Variants in HTR3E observed in about 807,000 individuals in gnomAD.
The protein encoded by HTR3E is 5-hydroxytryptamine (serotonin) receptor 3, family member E.
HTR3E carries 38 observed loss-of-function variants against 38.0 expected under a neutral mutation model. The observed-to-expected ratio is 1.00, with a 90% CI of 0.77 to 1.31. The LOEUF (loss-of-function observed/expected upper bound fraction) is 1.31, where lower values mean the gene tolerates loss of function less well. HTR3E is among the 50% of genes most tolerant of loss of function. The pLI, the probability that HTR3E is intolerant of heterozygous loss-of-function variation, is 0.00. For missense variants in HTR3E, 547 were observed against 585.2 expected (o/e 0.93, Z 0.67); for synonymous variants, 210 against 232.9 (o/e 0.90, Z 0.89).
intron 1 of HTR3E, among the ~76,000 whole-genome samples, chr3:184,099,736 AAAAAG>A (rs1304334135): frequency 2.7e-5 from 4 of 148,262 alleles, no homozygotes; most frequent in African/African-American, 5.1e-5. Flanking sequence ...AAAAAAAAAA[AAAAAG>A]AAAGAAATAT....
chr3:184,105,408 A>C lies in HTR3E; in HGVS notation c.701A>C (p.Tyr234Ser). ...TAKLSRGGNL[Y>S]DQIVFYVAIR... The stretch of plus-strand genomic sequence containing the variant: ...AAGTTGTCCAGGGGAGGCAACCTGT[A>C]TGATCAGATCGTGTTCTATGTGAGC... The change falls in exon 6 of 9, where the codon TAT (tyrosine) becomes TCT (serine). Residue 234 changes from tyrosine (Y) to serine (S), a missense_variant. By Grantham distance (144) the Tyr-to-Ser change is moderately radical. Transcript: ENST00000415389. 1 of 1,612,820 alleles carries C rather than the reference A, an allele frequency of 6.2e-7. No homozygotes were observed.
intron 3 of HTR3E, among the ~76,000 whole-genome samples, chr3:184,103,818 A>T (rs113357500): frequency 1.3e-5 from 2 of 151,796 alleles, no homozygotes; most frequent in African/African-American, 4.8e-5. Context: ...AGAAAGAAAA[A>T]GAAAAGAAAA....
In HTR3E at chr3:184,106,857, C is replaced by A; in HGVS notation, c.*164C>A. On this transcript the variant is annotated 3_prime_UTR_variant, in exon 9 of 9. Coordinates refer to ENST00000415389, the MANE Select transcript of HTR3E (RefSeq NM_001256613.2). This position sits in a 1 kb window ranked among gnomAD's most constrained non-coding sequence, Gnocchi z 4.1. The stretch of plus-strand genomic sequence containing the variant: ...CGGTCCTGCTGATCAATTCCAATCC[C>A]AGACATTTCTCCCTGTTCCTGCATT... 1.4e-6 allele frequency: 1 copy of A among 732,550 alleles called. No individual in the cohort carries two copies. The allele number at this position is 732,550 out of a possible 1,614,324, so 45.4% of individuals were successfully genotyped here. A position where few individuals can be genotyped will look rare whatever the true frequency, so the allele number is the denominator to read the frequency against.
At chr3:184,105,116 T>C (rs1045958651) in intron 5 of HTR3E, 151 bp from the exon 6 acceptor site, 1 of 1,162,962 alleles carries the variant, frequency 8.6e-7, no homozygotes, top group Non-Finnish European at 1.2e-6. Context: ...AAGTCTGTCT[T>C]GTTCCTTACC....
intron 1 of HTR3E, among the ~76,000 whole-genome samples, chr3:184,098,243 G>A (rs921049738): frequency 1.3e-5 from 2 of 152,180 alleles, no homozygotes; most frequent in African/African-American, 2.4e-5. Flanking sequence ...GGTGTCTCAC[G>A]TTGCTAGTTT....
chr3:184,104,616 C>T (rs1405210977), intron 4 of HTR3E, among the ~76,000 whole-genome samples, 171 bp from the exon 5 acceptor site: 2 of 147,990 alleles, frequency 1.4e-5, no homozygotes, highest in Admixed American at 6.9e-5. Context: ...GAGGCTGAGG[C>T]TGAGACAGGA....
chr3:184,099,272 G>A (rs923347134), intron 1 of HTR3E, among the ~76,000 whole-genome samples: 7 of 151,066 alleles, frequency 4.6e-5, no homozygotes, highest in South Asian at 4.2e-4. Flanking sequence ...GGTGGGGAAC[G>A]CCTGTAGTCA....
Position 184,105,261 on chromosome 3 carries a change from T to G in HTR3E, c.560-6T>G, listed in dbSNP as rs760225651. ...GAAAAATGATTCAGATGGTTCTCAT[T>G]TTCAGTGGACAGCATGTTGCTGGAC... is the stretch of plus-strand genomic sequence containing the variant. On this transcript the variant is annotated splice_region_variant and splice_polypyrimidine_tract_variant and intron_variant, in intron 5 of 8. Transcript: ENST00000415389. 1 of 1,601,148 alleles carries G rather than the reference T, an allele frequency of 6.2e-7. No individual in the cohort carries two copies. Among genetic ancestry groups the G allele is most frequent in the Non-Finnish European group, 8.5e-7 (1 of 1,174,948 alleles).
intron 1 of HTR3E, 104 bp from the exon 2 acceptor site, chr3:184,100,380 CT>C (rs1409010436): frequency 6.2e-7 from 1 of 1,613,656 alleles, no homozygotes; most frequent in Non-Finnish European, 8.5e-7. Context: ...CAAATGTTAG[CT>C]TTCATTTTAT....
rs1330507588 is a variant in HTR3E, at chr3:184,097,346, A to C, written c.-184A>C. 1.7e-6 allele frequency: 1 copy of C among 584,008 alleles called. No individual in the cohort carries two copies. Among genetic ancestry groups the C allele is most frequent in the Non-Finnish European group, 3.0e-6 (1 of 328,280 alleles). The allele number at this position is 584,008 out of a possible 1,614,324, so 36.2% of individuals were successfully genotyped here. On this transcript the variant is annotated 5_prime_UTR_variant, in exon 1 of 9. Transcript: ENST00000415389. ...GACTAAGATAAAGTCTTAAAAGCAG[A>C]CTGAACCTTAAGCATAGGCAAGAAC...
intron 3 of HTR3E, among the ~76,000 whole-genome samples, chr3:184,102,030 A>G (rs1712080449): frequency 6.6e-6 from 1 of 152,166 alleles, no homozygotes. Flanking sequence ...GTAGAAAAGG[A>G]GTAAATATAT....
intron 1 of HTR3E, among the ~76,000 whole-genome samples, chr3:184,097,840 C>G (rs745981689): frequency 1.3e-5 from 2 of 152,160 alleles, no homozygotes; most frequent in Non-Finnish European, 2.9e-5. Context: ...GAGTTCAACA[C>G]CAGCAAACTT....
chr3:184,098,288 C>T (rs1233948231), intron 1 of HTR3E, among the ~76,000 whole-genome samples: 1 of 152,206 alleles, frequency 6.6e-6, no homozygotes, highest in Admixed American at 6.5e-5. Context: ...CTTATCTGAG[C>T]TCTGGTTTCC....
chr3:184,100,392 C>T, intron 1 of HTR3E, 93 bp from the exon 2 acceptor site: 1 of 1,613,950 alleles, frequency 6.2e-7, no homozygotes. Flanking sequence ...TTCATTTTAT[C>T]ACGGGCGACC....
At chr3:184,105,655 G>T in intron 6 of HTR3E, 110 bp from the exon 7 acceptor site, 1 of 1,018,360 alleles carries the variant, frequency 9.8e-7, no homozygotes, top group Non-Finnish European at 1.5e-6. Context: ...AGATCCCAGG[G>T]TGATATCAGG....
rs1240664067 is a variant in HTR3E at position 184,106,640 on chromosome 3, C to G, written c.1318C>G (p.Leu440Val). 8 of 1,614,108 alleles carry G rather than the reference C, an allele frequency of 5.0e-6. No individual in the cohort carries two copies. Among genetic ancestry groups the G allele is most frequent in the Non-Finnish European group, 6.8e-6 (8 of 1,180,054 alleles). ...AMDAMLFRLY[L>V]LFMASSIITV... ...GGACGCCATGCTCTTCCGCCTCTAC[C>G]TGCTCTTCATGGCCTCCTCTATCAT... Residue 440 changes from leucine to valine, a missense_variant, in exon 9 of 9, where the codon CTG (leucine) becomes GTG (valine). Coordinates refer to ENST00000415389, the MANE Select transcript of HTR3E (RefSeq NM_001256613.2). The surrounding 1 kb of genome is among the most constrained non-coding windows in gnomAD (Gnocchi z 4.1).
intron 3 of HTR3E, among the ~76,000 whole-genome samples, chr3:184,102,543 A>G (rs2108991664): frequency 6.6e-6 from 1 of 150,810 alleles, no homozygotes; most frequent in Middle Eastern, 3.4e-3. Context: ...TGATGAGTTA[A>G]TGGGTGCAGC....
At position 184,104,787 on chromosome 3, in the gene HTR3E, C is replaced by T; in HGVS notation, c.390C>T (p.Leu130=). The T allele has an allele frequency of 6.2e-7, 1 of 1,608,428 alleles. No individual in the cohort carries two copies. The highest frequency in any genetic ancestry group is 8.5e-7 in the Non-Finnish European group (1 of 1,177,598). The change falls in exon 5 of 9, where the codon CTC becomes CTT. Residue 130 remains leucine, a splice_region_variant and synonymous_variant. Coordinates refer to ENST00000415389, the MANE Select transcript of HTR3E (RefSeq NM_001256613.2). The part of the protein sequence containing the change: ...LWLPDIFIIE[L]MDVDKTPKGL... ...GCCTCTTGCGTTATCTCTCCTCCAG[C>T]ATGGATGTGGATAAGACCCCAAAAG...
intron 1 of HTR3E, among the ~76,000 whole-genome samples, chr3:184,099,183 C>T (rs534086185): frequency 5.0e-4 from 76 of 151,996 alleles, no homozygotes; most frequent in African/African-American, 1.8e-3. Context: ...CACTTGAGCC[C>T]CGGGGTTTGA....
Sources: allele counts gnomAD v4.1 joint callset (sites outside exome capture counted in the v4.1 genomes callset), GRCh38; gene constraint gnomAD v4.1.1; non-coding constraint Gnocchi (gnomAD v3.1); transcripts MANE v1.5; gene names NCBI Gene and HGNC (gene_info 2026-07-23, HGNC 2026-07-21).